Variants in MYO5B observed in about 807,000 individuals in gnomAD.
MYO5B encodes the protein unconventional myosin-Vb.
In MYO5B, 143 loss-of-function variants were observed where a neutral mutation model predicts 229.3. The ratio of observed to expected loss-of-function variants is 0.62; its 90% CI spans 0.54 to 0.72. MYO5B has a LOEUF of 0.72. Among genes scored for constraint, MYO5B ranks in the 30% least tolerant of loss-of-function variants. The pLI, the probability that MYO5B is intolerant of heterozygous loss-of-function variation, is 0.00. For missense variants in MYO5B, 2,321 were observed against 2,331.0 expected (o/e 1.00, Z 0.09); for synonymous variants, 918 against 885.2 (o/e 1.04, Z -0.66).
intron 1 of MYO5B, among the ~76,000 whole-genome samples, chr18:50,184,323 C>T (rs993775851): frequency 1.3e-5 from 2 of 152,022 alleles, no homozygotes; most frequent in Admixed American, 6.6e-5. Flanking sequence ...CACATGGACT[C>T]GATCCTTCTC....
chr18:50,074,150 A>G (rs1321381338), intron 1 of MYO5B, among the ~76,000 whole-genome samples: 1 of 152,228 alleles, frequency 6.6e-6, no homozygotes, highest in Admixed American at 6.5e-5. Flanking sequence ...CACTTCTTAC[A>G]TGGCAGCAGC....
chr18:49,975,327 C>T (rs1333703802), intron 9 of MYO5B, among the ~76,000 whole-genome samples: 1 of 152,150 alleles, frequency 6.6e-6, no homozygotes, highest in Admixed American at 6.5e-5. Context: ...CAATGATTCT[C>T]TTCTGGGTGG....
chr18:49,843,648 G>C (rs1236617758), intron 33 of MYO5B, among the ~76,000 whole-genome samples: 1 of 152,174 alleles, frequency 6.6e-6, no homozygotes, highest in African/African-American at 2.4e-5. Flanking sequence ...CTATAACCCT[G>C]AAACAGGCTT....
At chr18:50,007,535 A>G (rs1247266705) in intron 4 of MYO5B, among the ~76,000 whole-genome samples, 6 of 152,116 alleles carry the variant, frequency 3.9e-5, no homozygotes, top group Non-Finnish European at 8.8e-5. Flanking sequence ...TATCCTCTAA[A>G]TAACACCCAC....
intron 3 of MYO5B, among the ~76,000 whole-genome samples, chr18:50,038,568 G>A (rs376744530): frequency 6.6e-5 from 10 of 152,268 alleles, no homozygotes; most frequent in East Asian, 1.9e-4. Flanking sequence ...TCTAATTCAC[G>A]TAGCACGCAA....
chr18:49,990,166 T>C (rs2025913795), intron 7 of MYO5B, among the ~76,000 whole-genome samples: 1 of 152,192 alleles, frequency 6.6e-6, no homozygotes, highest in African/African-American at 2.4e-5. Flanking sequence ...TTCAGAATAA[T>C]AAAGCATGAA....
chr18:49,984,147 A>T (rs1289542080), intron 8 of MYO5B, among the ~76,000 whole-genome samples: 2 of 152,214 alleles, frequency 1.3e-5, no homozygotes, highest in Non-Finnish European at 2.9e-5. Flanking sequence ...GCAGGGAAGC[A>T]GGGCAATTTC....
At chr18:49,891,281 C>T (rs1419705248) in intron 22 of MYO5B, among the ~76,000 whole-genome samples, 2 of 152,172 alleles carry the variant, frequency 1.3e-5, no homozygotes, top group Non-Finnish European at 2.9e-5. Context: ...TCAGAAAGAC[C>T]TTCTGTGGCC....
At chr18:49,855,794 G>A (rs959049159) in intron 30 of MYO5B, among the ~76,000 whole-genome samples, 1 of 152,160 alleles carries the variant, frequency 6.6e-6, no homozygotes, top group African/African-American at 2.4e-5. Flanking sequence ...CTTTTTCCAA[G>A]AAGAGATGCT....
chr18:49,849,693 A>AT lies in MYO5B; in HGVS notation c.4222-34dup. On this transcript the variant is annotated intron_variant, in intron 31 of 39. Coordinates refer to ENST00000285039, the MANE Select transcript of MYO5B (RefSeq NM_001080467.3). ...CAGAGGAAGCAGTGTGAGAACAGAC[A>AT]TCAGCCCGGCCTGGGATGGTGGGGG... 5 of 1,548,530 alleles carry AT rather than the reference A, an allele frequency of 3.2e-6. 1 individual carries two copies. In the African/African-American group the frequency reaches 5.4e-5, roughly 17 times the overall value.
At chr18:50,046,340 C>T (rs1282885865) in intron 2 of MYO5B, among the ~76,000 whole-genome samples, 1 of 152,184 alleles carries the variant, frequency 6.6e-6, no homozygotes, top group Non-Finnish European at 1.5e-5. Flanking sequence ...CTTTTAAGTT[C>T]TCCAGGGGTT....
chr18:50,060,692 A>G (rs756275413), intron 1 of MYO5B, among the ~76,000 whole-genome samples: 2 of 152,194 alleles, frequency 1.3e-5, no homozygotes, highest in Non-Finnish European at 2.9e-5. Context: ...CTGTTCCTTT[A>G]TTCCACTGCA....
At chr18:49,939,159 T>C (rs1442732961) in intron 14 of MYO5B, among the ~76,000 whole-genome samples, 4 of 149,556 alleles carry the variant, frequency 2.7e-5, no homozygotes, top group Non-Finnish European at 4.5e-5. Context: ...TTTTTTTTTT[T>C]TTTTTTTGAA....
intron 16 of MYO5B, among the ~76,000 whole-genome samples, chr18:49,934,587 T>TGCACA (rs1319120704): frequency 1.3e-5 from 2 of 152,222 alleles, no homozygotes; most frequent in African/African-American, 4.8e-5. Context: ...CCCTGGGCCC[T>TGCACA]GCACAGCACT....
At chr18:49,977,706 A>G (rs2025767377) in intron 9 of MYO5B, among the ~76,000 whole-genome samples, 1 of 152,222 alleles carries the variant, frequency 6.6e-6, no homozygotes, top group African/African-American at 2.4e-5. Flanking sequence ...CCTCAGAGAA[A>G]GAGGTTCCCC....
intron 1 of MYO5B, among the ~76,000 whole-genome samples, chr18:50,063,392 T>C (rs2030737219): frequency 6.6e-6 from 1 of 152,130 alleles, no homozygotes; most frequent in South Asian, 2.1e-4. Flanking sequence ...AACTAAAAAT[T>C]CAGGTATGAT....
intron 1 of MYO5B, among the ~76,000 whole-genome samples, chr18:50,139,050 T>C (rs939596322): frequency 6.6e-6 from 1 of 152,256 alleles, no homozygotes; most frequent in African/African-American, 2.4e-5. Context: ...AGATAACTTA[T>C]TTATAATGCA....
At chr18:49,924,388 C>A (rs533498497) in intron 17 of MYO5B, among the ~76,000 whole-genome samples, 1 of 152,262 alleles carries the variant, frequency 6.6e-6, no homozygotes, top group South Asian at 2.1e-4. Flanking sequence ...GATAGGGAAA[C>A]CTAGGCTCAT....
chr18:49,917,314 C>T (rs1218424913), intron 17 of MYO5B, among the ~76,000 whole-genome samples: 1 of 152,180 alleles, frequency 6.6e-6, no homozygotes. Flanking sequence ...CACGTTAAAC[C>T]TTTCCTACCA....
Sources: allele counts gnomAD v4.1 joint callset (sites outside exome capture counted in the v4.1 genomes callset), GRCh38; gene constraint gnomAD v4.1.1; transcripts MANE v1.5; gene names NCBI Gene and HGNC (gene_info 2026-07-23, HGNC 2026-07-21).